Variants in TACC2 observed in about 807,000 individuals in gnomAD.
The protein encoded by TACC2 is transforming acidic coiled-coil-containing protein 2.
Under a neutral mutation model 227.3 loss-of-function variants are expected in TACC2, and 137 were observed. That is an observed-to-expected ratio of 0.60 (90% CI 0.52 to 0.69). The LOEUF (loss-of-function observed/expected upper bound fraction) is 0.69. Among genes scored for constraint, TACC2 ranks in the 30% least tolerant of loss-of-function variants. The pLI is 0.00. For missense variants in TACC2, 3,470 were observed against 3,694.4 expected, an observed-to-expected ratio of 0.94 and a Z score of 1.57; for synonymous variants, 1,523 against 1,487.5, an observed-to-expected ratio of 1.02 and a Z score of -0.55.
chr10:122,005,382 C>CTTTTT (rs1250192833), intron 1 of TACC2, among the ~76,000 whole-genome samples: 2 of 119,196 alleles, frequency 1.7e-5, no homozygotes, highest in Non-Finnish European at 1.7e-5. Flanking sequence ...CCACGCCCAG[C>CTTTTT]TTTTTTTTTT....
At chr10:122,029,915 G>C (rs1958723922) in intron 2 of TACC2, among the ~76,000 whole-genome samples, 1 of 151,908 alleles carries the variant, frequency 6.6e-6, no homozygotes, top group Admixed American at 6.6e-5. Flanking sequence ...CGGTGGGCAG[G>C]GGGTGGGGAG....
chr10:122,047,435 G>A (rs971180092), intron 2 of TACC2, among the ~76,000 whole-genome samples: 3 of 152,044 alleles, frequency 2.0e-5, no homozygotes, highest in Non-Finnish European at 2.9e-5. Context: ...TGAAGAGGCT[G>A]AGACCCCTCA....
At chr10:122,142,731 C>G (rs2090800551) in intron 6 of TACC2, among the ~76,000 whole-genome samples, 1 of 152,220 alleles carries the variant, frequency 6.6e-6, no homozygotes, top group Non-Finnish European at 1.5e-5. Flanking sequence ...GTCTTGTATT[C>G]CAGCCTGGCT....
rs758543512 is a variant in TACC2 at position 122,085,055 on chromosome 10, C to T, written c.2555C>T (p.Pro852Leu). The change falls in exon 4 of 23, where the codon CCT becomes CTT. Residue 852 changes from proline to leucine, a missense_variant. Coordinates refer to ENST00000369005, the MANE Select transcript of TACC2 (RefSeq NM_206862.4). ...FDVLKEQAQP[P>L]ENGKETSPSH... is the part of the protein sequence containing the mutation. Reference sequence around the variant, plus strand: ...GTGCTCAAGGAGCAGGCCCAGCCACCTGAAAATGGGAAAGAGACTTCTCCA... The same window carrying T: ...GTGCTCAAGGAGCAGGCCCAGCCACTTGAAAATGGGAAAGAGACTTCTCCA... 1.5e-5 allele frequency: 25 copies of T among 1,614,076 alleles called. No individual in the cohort carries two copies. Among genetic ancestry groups the T allele is most frequent in the Non-Finnish European group, 1.9e-5 (23 of 1,180,044 alleles).
intron 5 of TACC2, among the ~76,000 whole-genome samples, chr10:122,094,692 A>G (rs1329563645): frequency 7.9e-5 from 12 of 152,130 alleles, no homozygotes; most frequent in Non-Finnish European, 1.8e-4. Flanking sequence ...CAGGCATGCC[A>G]CCACCTTGGC....
intron 7 of TACC2, among the ~76,000 whole-genome samples, chr10:122,145,228 T>C (rs2091217178): frequency 6.6e-6 from 1 of 152,244 alleles, no homozygotes; most frequent in African/African-American, 2.4e-5. Context: ...CTTGTATGCA[T>C]GTATTCTTCA....
At chr10:122,179,870 A>G (rs573147641) in intron 7 of TACC2, among the ~76,000 whole-genome samples, 2 of 152,222 alleles carry the variant, frequency 1.3e-5, no homozygotes, top group South Asian at 4.2e-4. Flanking sequence ...ACTTGAGCTC[A>G]GTAGTTTGAG....
intron 3 of TACC2, among the ~76,000 whole-genome samples, chr10:122,055,762 C>G (rs1050951047): frequency 6.6e-6 from 1 of 152,210 alleles, no homozygotes; most frequent in African/African-American, 2.4e-5. Flanking sequence ...TAAGCCCCAC[C>G]TGGGTGGGAA....
chr10:121,997,307 G>A (rs181562180), intron 1 of TACC2, among the ~76,000 whole-genome samples: 1 of 152,254 alleles, frequency 6.6e-6, no homozygotes, highest in East Asian at 1.9e-4. Context: ...GAGGGTGGAT[G>A]GATCTCCTCT....
chr10:122,149,616 T>A (rs1189397043), intron 7 of TACC2, among the ~76,000 whole-genome samples: 2 of 151,356 alleles, frequency 1.3e-5, no homozygotes, highest in Non-Finnish European at 2.9e-5. Flanking sequence ...CCCCATTCCC[T>A]CCACCCGAGT....
intron 3 of TACC2, among the ~76,000 whole-genome samples, chr10:122,056,155 C>A (rs1013821428): frequency 1.1e-4 from 17 of 152,150 alleles, no homozygotes; most frequent in Admixed American, 1.0e-3. Flanking sequence ...TGTGGTGAGG[C>A]CTGTGAAGGG....
intron 6 of TACC2, among the ~76,000 whole-genome samples, chr10:122,137,575 T>A (rs913186252): frequency 2.6e-5 from 4 of 152,212 alleles, no homozygotes; most frequent in Non-Finnish European, 5.9e-5. Context: ...CTTGTGCTTT[T>A]CCCACAGTCA....
intron 3 of TACC2, among the ~76,000 whole-genome samples, chr10:122,075,966 A>AT (rs765656654): frequency 4.0e-5 from 6 of 151,726 alleles, no homozygotes; most frequent in Non-Finnish European, 7.4e-5. Context: ...CAATTTTTGT[A>AT]TTTTTTTATT....
chr10:122,231,615 G>A (rs2095751158), intron 16 of TACC2, among the ~76,000 whole-genome samples: 1 of 152,238 alleles, frequency 6.6e-6, no homozygotes, highest in African/African-American at 2.4e-5. Flanking sequence ...CCATTTTACA[G>A]ATGGGAGATG....
chr10:122,070,501 T>C (rs2077909866), intron 3 of TACC2, among the ~76,000 whole-genome samples: 1 of 152,078 alleles, frequency 6.6e-6, no homozygotes, highest in South Asian at 2.1e-4. Flanking sequence ...ATGCCTGTAA[T>C]CCCAGCATTT....
intron 1 of TACC2, among the ~76,000 whole-genome samples, chr10:121,995,092 C>T (rs1043455866): frequency 1.3e-5 from 2 of 152,164 alleles, no homozygotes. Context: ...CCCTAAGGCC[C>T]TGAGGGTTTG....
At chr10:121,999,189 A>T (rs1244156839) in intron 1 of TACC2, among the ~76,000 whole-genome samples, 1 of 151,946 alleles carries the variant, frequency 6.6e-6, no homozygotes, top group African/African-American at 2.4e-5. Flanking sequence ...TTTGTATTTT[A>T]GTAGAGACAG....
intron 19 of TACC2, among the ~76,000 whole-genome samples, chr10:122,242,677 G>C (rs2096024071): frequency 6.6e-6 from 1 of 151,998 alleles, no homozygotes; most frequent in Non-Finnish European, 1.5e-5. Flanking sequence ...AATGAGAAAA[G>C]ATCTTGCAGA....
chr10:122,243,153 A>G (rs1404204305), intron 19 of TACC2, among the ~76,000 whole-genome samples: 4 of 152,212 alleles, frequency 2.6e-5, no homozygotes, highest in Non-Finnish European at 4.4e-5. Flanking sequence ...TATGTTGGCC[A>G]GGCTGATGTT....
Sources: gnomAD v4.1 joint callset for allele counts (sites outside exome capture counted in the v4.1 genomes callset) on GRCh38, gnomAD v4.1.1 for gene constraint, MANE v1.5 for transcripts, NCBI Gene and HGNC (gene_info 2026-07-23, HGNC 2026-07-21) for gene names.